Variants in ACAN observed in about 807,000 individuals in gnomAD.
The protein encoded by ACAN is aggrecan, also known as aggrecan core protein.
ACAN carries 47 observed loss-of-function variants against 169.1 expected under a neutral mutation model. The observed-to-expected ratio is 0.28, with a 90% CI of 0.22 to 0.35. The LOEUF (loss-of-function observed/expected upper bound fraction) is 0.35. Among genes scored for constraint, ACAN ranks in the 10% least tolerant of loss-of-function variants. ACAN has a pLI of 1.00. For synonymous variants in ACAN, 1,115 were observed against 1,112.2 expected, an observed-to-expected ratio of 1.00 and a Z score of -0.05; for missense variants, 2,716 against 2,759.9, an observed-to-expected ratio of 0.98 and a Z score of 0.36.
At chr15:88,842,007 G>A in intron 5 of ACAN, 140 bp downstream of exon 5, 2 of 1,217,950 alleles carry the variant, frequency 1.6e-6, no homozygotes, top group African/African-American at 3.0e-5. Context: ...TGCCATGAAG[G>A]GAGGTGGGCT....
Position 88,860,455 on chromosome 15 carries a change from G to T in ACAN, c.6946+16G>T. ...TGTAACATAGGTAAGGCCCTCATTG[G>T]CCGTGGAGAGTGAGGGCGGAGGCGC... is the stretch of plus-strand genomic sequence containing the variant. On this transcript the variant is annotated intron_variant, in intron 13 of 18. Coordinates refer to ENST00000560601, the MANE Select transcript of ACAN (RefSeq NM_001369268.1). 4 of 1,602,412 alleles carry T rather than the reference G, an allele frequency of 2.5e-6. No individual in the cohort carries two copies. The highest frequency in any genetic ancestry group is 3.4e-6 in the Non-Finnish European group (4 of 1,170,650).
rs1457930518 is a variant in ACAN at position 88,872,775 on chromosome 15, A to G, written c.7303-106A>G. The G allele has an allele frequency of 1.5e-6, 2 of 1,370,964 alleles. No individual in the cohort carries two copies. Among genetic ancestry groups the G allele is most frequent in the East Asian group, 2.4e-5 (1 of 41,094 alleles). 84.9% of individuals were successfully genotyped at this position (1,370,964 alleles called of 1,614,324 possible). On this transcript the variant is annotated intron_variant, in intron 16 of 18. Transcript: ENST00000560601. This position sits in a 1 kb window ranked among gnomAD's most constrained non-coding sequence, Gnocchi z 5.4. ...ATCAGATGAGCCTGAAGTTGGTGCT[A>G]AAAGAGAAAGGAGATGATGAAGAGG...
At chr15:88,825,028 G>A (rs191192168) in intron 1 of ACAN, among the ~76,000 whole-genome samples, 111 of 152,308 alleles carry the variant, frequency 7.3e-4, no homozygotes, top group Non-Finnish European at 1.5e-4. Context: ...CCAGAAGTGT[G>A]TGCTGGAAGA....
At chr15:88,859,668 C>T (rs577513135) in intron 12 of ACAN, among the ~76,000 whole-genome samples, 13 of 152,240 alleles carry the variant, frequency 8.5e-5, no homozygotes, top group African/African-American at 3.1e-4. Context: ...GCATCACGCT[C>T]TGCATGCAGT....
At chr15:88,829,010 G>A (rs910889015) in intron 1 of ACAN, among the ~76,000 whole-genome samples, 32 of 152,180 alleles carry the variant, frequency 2.1e-4, no homozygotes, top group African/African-American at 7.7e-4. Flanking sequence ...CTAGACAAAA[G>A]TATGGCCTTG....
At chr15:88,845,994 C>A in intron 7 of ACAN, 112 bp downstream of exon 7, 1 of 1,196,034 alleles carries the variant, frequency 8.4e-7, no homozygotes, top group South Asian at 2.2e-5. Flanking sequence ...GCACGTGGGA[C>A]AATGTTCTCT....
In ACAN at chr15:88,855,299, C is replaced by T. The variant is rs758104180; in HGVS notation, c.2714C>T (p.Thr905Ile). The T allele has an allele frequency of 3.1e-6, 5 of 1,611,690 alleles. No individual in the cohort carries two copies. The highest frequency in any genetic ancestry group is 1.1e-5 in the South Asian group (1 of 91,070). ...GGAGACCTGGACTCCAGTGGTCTTA[C>T]TTCCACAGTGGGCTCAGGCCTGCCT... ...PSGDLDSSGL[T>I]STVGSGLPVE... The change falls in exon 12 of 19, where the codon ACT (threonine) becomes ATT (isoleucine). Residue 905 changes from threonine (T) to isoleucine (I), a missense_variant. Physicochemically the swap from Thr to Ile is moderately conservative, Grantham distance 89 (BLOSUM62 -1). Around this residue, in one of 3 missense-constraint regions of ACAN, gnomAD observed 1,283 missense variants for 1,281.5 expected, o/e 1.00. Transcript: ENST00000560601.
intron 13 of ACAN, among the ~76,000 whole-genome samples, chr15:88,863,996 A>C (rs1171998442): frequency 6.6e-6 from 1 of 152,128 alleles, no homozygotes; most frequent in East Asian, 1.9e-4. Context: ...ACACAGTGGG[A>C]TCCCACTGCT....
intron 1 of ACAN, among the ~76,000 whole-genome samples, chr15:88,810,948 T>C (rs557417322): frequency 6.6e-6 from 1 of 152,318 alleles, no homozygotes; most frequent in African/African-American, 2.4e-5. Flanking sequence ...CTTGGGCCAC[T>C]TGCTCTCTTC....
intron 4 of ACAN, among the ~76,000 whole-genome samples, chr15:88,841,191 G>A (rs749821642): frequency 6.6e-6 from 1 of 152,232 alleles, no homozygotes; most frequent in East Asian, 1.9e-4. Flanking sequence ...GCACTTGGAA[G>A]CTGCGTGACT....
chr15:88,845,996 A>G (rs1482811735), intron 7 of ACAN, 114 bp downstream of exon 7: 1 of 1,189,350 alleles, frequency 8.4e-7, no homozygotes, highest in South Asian at 2.2e-5. Context: ...ACGTGGGACA[A>G]TGTTCTCTCC....
At position 88,874,152 on chromosome 15, in the gene ACAN, G is replaced by A; in HGVS notation, c.7630+128G>A. ...TGAGCAAGGGAAGGGAGGTCGGGGG[G>A]CTGCTCAGTCACAAATAGCTGACCA... On this transcript the variant is annotated intron_variant, in intron 18 of 18. Transcript: ENST00000560601. This position sits in a 1 kb window ranked among gnomAD's most constrained non-coding sequence, Gnocchi z 7.3. 1.5e-6 allele frequency: 2 copies of A among 1,332,036 alleles called. No individual in the cohort carries two copies. Among genetic ancestry groups the A allele is most frequent in the Non-Finnish European group, 1.0e-6 (1 of 962,692 alleles). 82.5% of individuals were successfully genotyped at this position (1,332,036 alleles called of 1,614,324 possible).
chr15:88,871,577 G>T lies in ACAN; in HGVS notation c.7219+37G>T. ...GGGGCCTCTGGAGCCTGAGAGGAGAGTGGCGGTGTAGGCAAAGGGCCTCAC... is the reference window on the plus strand; with the variant it reads ...GGGGCCTCTGGAGCCTGAGAGGAGATTGGCGGTGTAGGCAAAGGGCCTCAC... On this transcript the variant is annotated intron_variant, in intron 15 of 18. Coordinates refer to ENST00000560601, the MANE Select transcript of ACAN (RefSeq NM_001369268.1). The surrounding 1 kb of genome is among the most constrained non-coding windows in gnomAD (Gnocchi z 7.8). The T allele has an allele frequency of 1.3e-6, 2 of 1,582,258 alleles. No individual in the cohort carries two copies. The highest frequency in any genetic ancestry group is 2.7e-5 in the African/African-American group (2 of 74,614).
In ACAN at chr15:88,847,282, C is replaced by A; in HGVS notation, c.1469C>A (p.Ser490Ter). ...TACCGCCCGGGACCCACCCGCTACT[C>A]GCTGACCTTTGAGGAGGCACAGCAG... ...FHYRPGPTRY[S>*]LTFEEAQQAC... Residue 490 changes from serine to a stop codon, truncating the protein, a stop_gained, in exon 8 of 19, where the codon TCG becomes TAG. Coordinates refer to ENST00000560601, the MANE Select transcript of ACAN (RefSeq NM_001369268.1). LOFTEE classifies it high-confidence loss of function. 6.4e-7 allele frequency: 1 copy of A among 1,568,922 alleles called. No individual in the cohort carries two copies. The highest frequency in any genetic ancestry group is 2.4e-5 in the East Asian group (1 of 42,326).
chr15:88,874,694 C>A lies in ACAN; in HGVS notation c.*213C>A. The A allele has an allele frequency of 1.5e-6, 1 of 655,848 alleles. No individual in the cohort carries two copies. Among genetic ancestry groups the A allele is most frequent in the South Asian group, 1.5e-5 (1 of 64,666 alleles). 40.6% of individuals were successfully genotyped at this position (655,848 alleles called of 1,614,324 possible). On this transcript the variant is annotated 3_prime_UTR_variant, in exon 19 of 19. Transcript: ENST00000560601. This position sits in a 1 kb window ranked among gnomAD's most constrained non-coding sequence, Gnocchi z 7.3. ...CTAATTTGTCCGCCGAATGCCAAAG[C>A]AAAGCAAACTTATTATAACCCTTGG...
intron 2 of ACAN, among the ~76,000 whole-genome samples, chr15:88,837,185 G>T (rs531829551): frequency 3.1e-4 from 47 of 152,326 alleles, no homozygotes; most frequent in African/African-American, 1.1e-3. Context: ...TTTGTATGGG[G>T]TGTGGGCAGA....
chr15:88,862,340 T>A (rs1897211604), intron 13 of ACAN, among the ~76,000 whole-genome samples: 1 of 152,166 alleles, frequency 6.6e-6, no homozygotes, highest in African/African-American at 2.4e-5. Flanking sequence ...GCATTGAGGT[T>A]TTTAAAACTC....
chr15:88,826,327 T>C (rs567035826), intron 1 of ACAN, among the ~76,000 whole-genome samples: 1 of 151,846 alleles, frequency 6.6e-6, no homozygotes, highest in East Asian at 1.9e-4. Flanking sequence ...CAGGACTGTC[T>C]GCAGCCCTGC....
In ACAN at chr15:88,837,249, G is replaced by C. The variant is rs898809335; in HGVS notation, c.70+973G>C. Among the ~76,000 whole-genome samples the C allele has an allele frequency of 3.9e-5, 6 of 152,278 alleles. No individual in the cohort carries two copies. The East Asian group carries it at 9.7e-4, about 25-fold the overall frequency. ...GCAGCACATGAGACCCCCTCACAGT[G>C]CAGTCAGTGTGGGAAAAAGAAGGCG... On this transcript the variant is annotated intron_variant, in intron 2 of 18. Transcript: ENST00000560601.
Sources: gnomAD v4.1 joint callset for allele counts (sites outside exome capture counted in the v4.1 genomes callset) on GRCh38, gnomAD v4.1.1 for gene constraint, gnomAD v4.1.1 regional missense constraint, Gnocchi (gnomAD v3.1) non-coding constraint, MANE v1.5 for transcripts, NCBI Gene and HGNC (gene_info 2026-07-23, HGNC 2026-07-21) for gene names.